Variants in ZNF385B observed in about 807,000 individuals in gnomAD.
ZNF385B encodes zinc finger protein 533.
In ZNF385B, 23 loss-of-function variants were observed where a neutral mutation model predicts 39.2. That is an observed-to-expected ratio of 0.59 (90% CI 0.42 to 0.83). The LOEUF is 0.83. Among genes scored for constraint, ZNF385B ranks in the 40% least tolerant of loss-of-function variants. The pLI is 0.00. For synonymous variants in ZNF385B, 205 were observed against 222.6 expected, an observed-to-expected ratio of 0.92 and a Z score of 0.70; for missense variants, 552 against 598.9, an observed-to-expected ratio of 0.92 and a Z score of 0.82.
At chr2:179,489,043 T>C (rs2054922012) in intron 5 of ZNF385B, among the ~76,000 whole-genome samples, 1 of 151,928 alleles carries the variant, frequency 6.6e-6, no homozygotes, top group African/African-American at 2.4e-5. Flanking sequence ...AAACAAAGAA[T>C]ATGAGAATCA....
chr2:179,562,384 G>T (rs1684014185), intron 3 of ZNF385B: 1 of 985,110 alleles, frequency 1.0e-6, no homozygotes, highest in South Asian at 4.7e-5. Flanking sequence ...ATGTGGGTCA[G>T]TTAGCAGTGC....
chr2:179,552,609 T>C lies in ZNF385B; in HGVS notation c.299-7640A>G, dbSNP rs189193852. On this transcript the variant is annotated intron_variant, in intron 3 of 9. Coordinates refer to ENST00000410066, the MANE Select transcript of ZNF385B (RefSeq NM_152520.6). ...GCTTTGTTACACCTAATACTGTATA[T>C]TTTTTCTCTCATCAGGATAATTGCC... Among the ~76,000 whole-genome samples, 194 of 149,226 alleles carry C rather than the reference T, an allele frequency of 1.3e-3. 15 individuals carry two copies. Among genetic ancestry groups the C allele is most frequent in the African/African-American group, 4.5e-3 (178 of 39,668 alleles).
chr2:179,689,099 A>C (rs1698150359), intron 3 of ZNF385B, among the ~76,000 whole-genome samples: 2 of 152,188 alleles, frequency 1.3e-5, no homozygotes, highest in African/African-American at 4.8e-5. Context: ...TAATAAAATA[A>C]ATGTAGTTTT....
At chr2:179,781,075 T>C (rs535005882) in intron 1 of ZNF385B, among the ~76,000 whole-genome samples, 1 of 152,338 alleles carries the variant, frequency 6.6e-6, no homozygotes, top group South Asian at 2.1e-4. Context: ...TTCTCCCCAA[T>C]TAATCTGTAG....
At chr2:179,512,691 T>TA (rs2057771275) in intron 5 of ZNF385B, among the ~76,000 whole-genome samples, 1 of 152,098 alleles carries the variant, frequency 6.6e-6, no homozygotes, top group Non-Finnish European at 1.5e-5. Flanking sequence ...TACACCATGT[T>TA]AGAAAAAAGG....
chr2:179,583,395 T>C (rs1574899419), intron 3 of ZNF385B, among the ~76,000 whole-genome samples: 1 of 152,304 alleles, frequency 6.6e-6, no homozygotes, highest in East Asian at 1.9e-4. Flanking sequence ...ATAGAGAGTT[T>C]GGAGAAGAGG....
intron 1 of ZNF385B, among the ~76,000 whole-genome samples, chr2:179,782,097 C>A (rs1704700919): frequency 6.6e-6 from 1 of 152,088 alleles, no homozygotes; most frequent in South Asian, 2.1e-4. Flanking sequence ...AAAATACTTG[C>A]AAACTGAATC....
intron 6 of ZNF385B, among the ~76,000 whole-genome samples, chr2:179,453,878 G>A (rs16866738): frequency 0.043 from 6,495 of 152,192 alleles, 465 homozygotes; most frequent in African/African-American, 0.15. Context: ...GTCCCTGAGA[G>A]AGTCAGACAG....
chr2:179,549,483 C>T (rs893126999), intron 3 of ZNF385B, among the ~76,000 whole-genome samples: 2 of 149,302 alleles, frequency 1.3e-5, no homozygotes, highest in Non-Finnish European at 1.5e-5. Flanking sequence ...CCTGCCTATA[C>T]AGGACCACAC....
intron 1 of ZNF385B, among the ~76,000 whole-genome samples, chr2:179,844,319 A>G (rs547511493): frequency 5.9e-5 from 9 of 152,332 alleles, no homozygotes; most frequent in African/African-American, 1.9e-4. Flanking sequence ...GGTTCTCACA[A>G]TAAAGGTGGG....
chr2:179,655,259 AC>A (rs1277498357), intron 3 of ZNF385B, among the ~76,000 whole-genome samples: 10 of 152,162 alleles, frequency 6.6e-5, no homozygotes, highest in Non-Finnish European at 1.5e-5. Flanking sequence ...ATACTACTCT[AC>A]AGTTACTCAT....
At chr2:179,774,716 A>G (rs1704213288) in intron 1 of ZNF385B, among the ~76,000 whole-genome samples, 1 of 152,200 alleles carries the variant, frequency 6.6e-6, no homozygotes, top group Non-Finnish European at 1.5e-5. Context: ...AGCTGTTTGC[A>G]TTTTGAGATC....
intron 3 of ZNF385B, among the ~76,000 whole-genome samples, chr2:179,726,544 C>T (rs74949558): frequency 0.02 from 3,021 of 152,074 alleles, 90 homozygotes; most frequent in African/African-American, 0.067. Context: ...ACATAAAGCA[C>T]TTAACATAGT....
At chr2:179,766,844 A>G (rs1703726699) in intron 3 of ZNF385B, among the ~76,000 whole-genome samples, 1 of 152,140 alleles carries the variant, frequency 6.6e-6, no homozygotes. Flanking sequence ...GATGGGCAAA[A>G]AAGGAAGACT....
chr2:179,760,336 G>A (rs1703306285), intron 3 of ZNF385B, among the ~76,000 whole-genome samples: 2 of 151,326 alleles, frequency 1.3e-5, no homozygotes, highest in Admixed American at 6.6e-5. Context: ...CTTCCTTCTT[G>A]AAACTCACCC....
At chr2:179,614,905 T>A (rs1453717068) in intron 3 of ZNF385B, among the ~76,000 whole-genome samples, 2 of 152,306 alleles carry the variant, frequency 1.3e-5, no homozygotes, top group South Asian at 4.1e-4. Context: ...GTATAATTCA[T>A]AAAAACTGCC....
At chr2:179,822,421 A>G (rs1707453301) in intron 1 of ZNF385B, among the ~76,000 whole-genome samples, 1 of 152,244 alleles carries the variant, frequency 6.6e-6, no homozygotes, top group African/African-American at 2.4e-5. Flanking sequence ...AATGATGGTA[A>G]TAATGATGAA....
chr2:179,823,025 G>C (rs1232016048), intron 1 of ZNF385B, among the ~76,000 whole-genome samples: 1 of 152,104 alleles, frequency 6.6e-6, no homozygotes, highest in African/African-American at 2.4e-5. Context: ...TCTTTTCGGA[G>C]GGGAGAAAAA....
At chr2:179,455,956 T>C (rs2050661099) in intron 6 of ZNF385B, among the ~76,000 whole-genome samples, 1 of 152,128 alleles carries the variant, frequency 6.6e-6, no homozygotes, top group Admixed American at 6.6e-5. Flanking sequence ...CTAAAACTAT[T>C]TAGCTTAGGC....
Sources: gnomAD v4.1 joint callset for allele counts (sites outside exome capture counted in the v4.1 genomes callset) on GRCh38, gnomAD v4.1.1 for gene constraint, MANE v1.5 for transcripts, NCBI Gene and HGNC (gene_info 2026-07-23, HGNC 2026-07-21) for gene names.